Variants in SUMF1 observed in about 807,000 individuals in gnomAD.
SUMF1 encodes the protein sulfatase modifying factor 1.
SUMF1 carries 48 observed loss-of-function variants against 47.6 expected under a neutral mutation model. The observed-to-expected ratio is 1.01, with a 90% confidence interval of 0.80 to 1.28. The LOEUF is 1.28. Among genes scored for constraint, SUMF1 ranks in the 50% most tolerant of loss-of-function variants. The pLI, the probability that SUMF1 is intolerant of heterozygous loss-of-function variation, is 0.00. For missense variants in SUMF1, 571 were observed against 485.4 expected, an observed-to-expected ratio of 1.18 and a Z score of -1.66; for synonymous variants, 230 against 192.1, an observed-to-expected ratio of 1.20 and a Z score of -1.63.
At chr3:4,153,069 A>C (rs1210845602) in intron 8 of SUMF1, among the ~76,000 whole-genome samples, 1 of 151,564 alleles carries the variant, frequency 6.6e-6, no homozygotes, top group Non-Finnish European at 1.5e-5. Flanking sequence ...AACCCTGCAA[A>C]GTTACAGCTA....
chr3:4,264,523 A>G (rs539773468), intron 8 of SUMF1, among the ~76,000 whole-genome samples: 12 of 152,122 alleles, frequency 7.9e-5, no homozygotes, highest in Non-Finnish European at 1.6e-4. Flanking sequence ...TATACACGAC[A>G]AACAGCAGGG....
chr3:4,046,566 G>C (rs1472423003), intron 9 of SUMF1, among the ~76,000 whole-genome samples: 3 of 152,024 alleles, frequency 2.0e-5, no homozygotes, highest in African/African-American at 7.2e-5. Context: ...GTCATTCAAG[G>C]AAAAACACAA....
intron 8 of SUMF1, chr3:4,313,618 T>G: frequency 6.2e-7 from 1 of 1,614,106 alleles, no homozygotes; most frequent in Non-Finnish European, 8.5e-7. Flanking sequence ...TGGTGCCAAA[T>G]CATGTACTGC....
intron 8 of SUMF1, among the ~76,000 whole-genome samples, chr3:4,211,277 T>G (rs995172473): frequency 7.0e-6 from 1 of 143,546 alleles, no homozygotes; most frequent in Non-Finnish European, 1.5e-5. Context: ...ACCCAGGTAC[T>G]AAGCCTAGTA....
chr3:4,281,671 T>A (rs532916151), intron 8 of SUMF1, among the ~76,000 whole-genome samples: 1 of 152,086 alleles, frequency 6.6e-6, no homozygotes, highest in Admixed American at 6.5e-5. Flanking sequence ...AATTTACATA[T>A]TAAACAAACT....
At chr3:4,176,338 T>G (rs1281628538) in intron 8 of SUMF1, among the ~76,000 whole-genome samples, 1 of 152,166 alleles carries the variant, frequency 6.6e-6, no homozygotes, top group Non-Finnish European at 1.5e-5. Context: ...ACAGCAGATC[T>G]CTTGGCAGAA....
At chr3:4,145,723 G>A (rs77924560) in intron 8 of SUMF1, among the ~76,000 whole-genome samples, 4,703 of 152,146 alleles carry the variant, frequency 0.031, 272 homozygotes, top group African/African-American at 0.11. Context: ...AGGAATTTTG[G>A]GTTCTTTGGG....
chr3:4,341,266 G>A (rs73809517), intron 8 of SUMF1, among the ~76,000 whole-genome samples: 1,972 of 151,954 alleles, frequency 0.013, 48 homozygotes, highest in African/African-American at 0.045. Flanking sequence ...TAGGAGAGTT[G>A]GCATAAAGAA....
chr3:4,441,003 G>C (rs1323761129), intron 3 of SUMF1, among the ~76,000 whole-genome samples: 1 of 152,054 alleles, frequency 6.6e-6, no homozygotes, highest in African/African-American at 2.4e-5. Flanking sequence ...AAGAAAGGAG[G>C]GTTATCTATA....
chr3:4,418,774 C>G (rs1701800703), intron 4 of SUMF1, among the ~76,000 whole-genome samples: 1 of 152,136 alleles, frequency 6.6e-6, no homozygotes, highest in East Asian at 1.9e-4. Context: ...AATTCTGTGT[C>G]TTTCTACTTT....
At chr3:4,056,706 G>C (rs1366545131) in intron 9 of SUMF1, among the ~76,000 whole-genome samples, 1 of 151,928 alleles carries the variant, frequency 6.6e-6, no homozygotes. Context: ...ATTATGTGTG[G>C]TTTTTGTTTC....
chr3:4,091,519 T>G (rs1045774983), intron 8 of SUMF1, among the ~76,000 whole-genome samples: 1 of 152,172 alleles, frequency 6.6e-6, no homozygotes, highest in Admixed American at 6.5e-5. Context: ...TTCTTTTTTA[T>G]GTACAAATTG....
At chr3:4,187,912 A>T (rs1559549279) in intron 8 of SUMF1, among the ~76,000 whole-genome samples, 1 of 152,206 alleles carries the variant, frequency 6.6e-6, no homozygotes, top group Non-Finnish European at 1.5e-5. Context: ...TCATTGTGAT[A>T]GCCCAATGTT....
chr3:4,397,693 T>C (rs1411267452), intron 7 of SUMF1, among the ~76,000 whole-genome samples: 1 of 152,114 alleles, frequency 6.6e-6, no homozygotes, highest in African/African-American at 2.4e-5. Flanking sequence ...CTTCCTTTAC[T>C]GAGTATAAAG....
chr3:4,451,294 A>T (rs779021144), intron 2 of SUMF1, among the ~76,000 whole-genome samples: 6 of 152,184 alleles, frequency 3.9e-5, no homozygotes, highest in Non-Finnish European at 7.3e-5. Context: ...AAATATGATT[A>T]AAAATGTCTG....
At chr3:4,273,107 CAT>C (rs1185248114) in intron 8 of SUMF1, among the ~76,000 whole-genome samples, 1 of 148,252 alleles carries the variant, frequency 6.7e-6, no homozygotes, top group Non-Finnish European at 1.5e-5. Context: ...TATATATATA[CAT>C]ATATATATAC....
chr3:4,269,474 T>A (rs1697263077), intron 8 of SUMF1, among the ~76,000 whole-genome samples: 1 of 152,200 alleles, frequency 6.6e-6, no homozygotes, highest in East Asian at 1.9e-4. Flanking sequence ...GAGCTAGTCA[T>A]GAATCATAAT....
intron 8 of SUMF1, among the ~76,000 whole-genome samples, chr3:4,246,079 G>T (rs1001332004): frequency 1.3e-5 from 2 of 152,178 alleles, no homozygotes; most frequent in African/African-American, 4.8e-5. Context: ...GTACGGGAGG[G>T]AATCTCCTGG....
At chr3:4,369,586 T>TA (rs947428855) in intron 8 of SUMF1, among the ~76,000 whole-genome samples, 2 of 152,202 alleles carry the variant, frequency 1.3e-5, no homozygotes, top group Admixed American at 6.5e-5. Context: ...TCTTGTCCCA[T>TA]AAACGTACAC....
Sources: gnomAD v4.1 joint callset for allele counts (sites outside exome capture counted in the v4.1 genomes callset) on GRCh38, gnomAD v4.1.1 for gene constraint, MANE v1.5 for transcripts, NCBI Gene and HGNC (gene_info 2026-07-23, HGNC 2026-07-21) for gene names.